Variants in PCTP observed in about 807,000 individuals in gnomAD.
PCTP encodes the protein START domain-containing protein 2.
In PCTP, 27 loss-of-function variants were observed where a neutral mutation model predicts 31.0. That is an observed-to-expected ratio of 0.87 (90% CI 0.64 to 1.20). PCTP has a LOEUF of 1.20. Among genes scored for constraint, PCTP ranks in the 50% most tolerant of loss-of-function variants. The probability of loss-of-function intolerance (pLI) is 0.00; values close to 1 mark genes in which losing one functional copy is unlikely to be tolerated. For missense variants in PCTP, 287 were observed against 268.2 expected, an observed-to-expected ratio of 1.07 and a Z score of -0.49; for synonymous variants, 108 against 101.2, an observed-to-expected ratio of 1.07 and a Z score of -0.40.
chr17:55,836,364 C>T (rs1045616619), intron 5 of PCTP, among the ~76,000 whole-genome samples: 8 of 152,158 alleles, frequency 5.3e-5, no homozygotes, highest in African/African-American at 1.9e-4. Flanking sequence ...GTGGTTTAGT[C>T]CACCATTATG....
chr17:55,825,007 G>C (rs915116534), downstream of PCTP, among the ~76,000 whole-genome samples: 1 of 152,222 alleles, frequency 6.6e-6, no homozygotes, highest in Non-Finnish European at 1.5e-5. Flanking sequence ...AAATAAACTT[G>C]TTTGGGGAAC....
At chr17:55,770,221 C>T (rs554778266) in intron 2 of PCTP, 10 of 152,262 alleles carry the variant, frequency 6.6e-5, no homozygotes, top group African/African-American at 2.4e-4. Context: ...AATTTGGTCA[C>T]CCTAGCTGTG....
intron 3 of PCTP, among the ~76,000 whole-genome samples, chr17:55,816,736 C>G (rs546769792): frequency 6.6e-6 from 1 of 152,328 alleles, no homozygotes; most frequent in South Asian, 2.1e-4. Flanking sequence ...CTGGAGTTCT[C>G]TTATAAGTTG....
intron 3 of PCTP, among the ~76,000 whole-genome samples, chr17:55,788,685 T>C (rs57786749): frequency 0.16 from 24,475 of 152,168 alleles, 4,709 homozygotes; most frequent in African/African-American, 0.46. Context: ...AAAATGTTCA[T>C]TACTGAATTA....
At chr17:55,838,882 A>G (rs960796249) in intron 5 of PCTP, among the ~76,000 whole-genome samples, 1 of 152,150 alleles carries the variant, frequency 6.6e-6, no homozygotes, top group Admixed American at 6.5e-5. Flanking sequence ...ATCTGTTTCT[A>G]TGGGCTGTGC....
At chr17:55,752,905 T>G (rs1909788610) in intron 1 of PCTP, among the ~76,000 whole-genome samples, 1 of 152,182 alleles carries the variant, frequency 6.6e-6, no homozygotes, top group Admixed American at 6.5e-5. Context: ...GAAAAAGTCT[T>G]TCTTTTAATT....
Position 55,773,876 on chromosome 17 carries a change from C to T in PCTP, c.492C>T (p.Asp164=), listed in dbSNP as rs34608946. Residue 164 remains aspartate (D), a synonymous_variant, in exon 4 of 6, where the codon GAC becomes GAT. Coordinates refer to ENST00000268896, the MANE Select transcript of PCTP (RefSeq NM_021213.4). ...AGCAGAGCCTGGCGATCGAGAGTGA[C>T]GGCAAGAAGGGGAGCAAAGGTAAAA... ...QYKQSLAIES[D]GKKGSKVFMY... 21,724 of 1,607,452 alleles carry T rather than the reference C, an allele frequency of 0.014. 191 individuals are homozygous for T. The highest frequency in any genetic ancestry group is 0.015 in the Non-Finnish European group (17,845 of 1,176,152).
At chr17:55,839,691 C>A (rs1905896702) in intron 5 of PCTP, among the ~76,000 whole-genome samples, 1 of 151,610 alleles carries the variant, frequency 6.6e-6, no homozygotes, top group South Asian at 2.1e-4. Context: ...GAGGCCGAGG[C>A]GGGCGGATCA....
At chr17:55,801,112 T>C (rs9902877) in intron 3 of PCTP, among the ~76,000 whole-genome samples, 57,077 of 151,954 alleles carry the variant, frequency 0.38, 16,607 homozygotes, top group African/African-American at 0.82. Context: ...ATCAGGGACC[T>C]ACTTGATGCA....
intron 5 of PCTP, 134 bp from the exon 6 acceptor site, chr17:55,775,901 G>A: frequency 7.0e-7 from 1 of 1,437,420 alleles, no homozygotes; most frequent in Non-Finnish European, 9.1e-7. Context: ...ACAACATTCT[G>A]TTGAAATCCA....
rs191541365 is a variant in PCTP, at chr17:55,767,822, G to A, written c.259+370G>A. ...AGTAGATCTATTCTGACCAGATGCA[G>A]TGACTCACGCCTGTAATCCCAGCAC... is the stretch of plus-strand genomic sequence containing the variant. On this transcript the variant is annotated intron_variant, in intron 2 of 5. Transcript: ENST00000268896. Among the ~76,000 whole-genome samples the A allele has an allele frequency of 4.3e-3, 585 of 137,642 alleles. 6 individuals are homozygous for A. Among genetic ancestry groups the A allele is most frequent in the African/African-American group, 0.015 (551 of 36,690 alleles). The allele number at this position is 137,642 out of a possible 152,430, so 90.3% of individuals were successfully genotyped here. A position where few individuals can be genotyped will look rare whatever the true frequency, so the allele number is the denominator to read the frequency against.
At chr17:55,756,696 G>A (rs775673889) in intron 1 of PCTP, among the ~76,000 whole-genome samples, 4 of 144,970 alleles carry the variant, frequency 2.8e-5, no homozygotes, top group African/African-American at 5.0e-5. Flanking sequence ...TTATACACGT[G>A]TGTGTGTGTG....
intron 3 of PCTP, among the ~76,000 whole-genome samples, chr17:55,814,467 G>T (rs540166324): frequency 6.4e-4 from 98 of 152,350 alleles, no homozygotes; most frequent in African/African-American, 2.1e-3. Context: ...CTGGGGCCAG[G>T]CACCTCTGGC....
chr17:55,781,658 C>T (rs143919441), downstream of PCTP, among the ~76,000 whole-genome samples: 1 of 152,306 alleles, frequency 6.6e-6, no homozygotes, highest in African/African-American at 2.4e-5. Flanking sequence ...GGCAGTGGTG[C>T]CATAAGATTA....
downstream of PCTP, among the ~76,000 whole-genome samples, chr17:55,779,553 A>G (rs958118651): frequency 2.0e-5 from 3 of 152,216 alleles, no homozygotes; most frequent in Non-Finnish European, 4.4e-5. Flanking sequence ...GGAGAAGTAG[A>G]CAAGCCATGT....
intron 2 of PCTP, among the ~76,000 whole-genome samples, chr17:55,783,439 G>C (rs1053875732): frequency 6.6e-6 from 1 of 152,146 alleles, no homozygotes; most frequent in African/African-American, 2.4e-5. Flanking sequence ...ACAGCACGCC[G>C]AATTCATTTT....
intron 5 of PCTP, chr17:55,775,725 C>G: frequency 3.2e-6 from 4 of 1,236,272 alleles, no homozygotes; most frequent in Non-Finnish European, 4.0e-6. Flanking sequence ...ATGTAACAAT[C>G]CAGCCCAAGC....
chr17:55,799,093 A>T (rs920300387), intron 3 of PCTP, among the ~76,000 whole-genome samples: 10 of 151,958 alleles, frequency 6.6e-5, no homozygotes, highest in African/African-American at 2.4e-4. Flanking sequence ...AATAATAAAG[A>T]ATGCTGGACT....
rs1192135567 is a variant in PCTP, at chr17:55,776,102, A to G, written c.*2A>G. On this transcript the variant is annotated 3_prime_UTR_variant, in exon 6 of 6. Coordinates refer to ENST00000268896, the MANE Select transcript of PCTP (RefSeq NM_021213.4). ...CAGAACTACCTCAAGAAAACCTAAGAAAGAGAACTGGGAACATTGCATCCA... is the reference window on the plus strand; with the variant it reads ...CAGAACTACCTCAAGAAAACCTAAGGAAGAGAACTGGGAACATTGCATCCA... 2 of 1,614,012 alleles carry G rather than the reference A, an allele frequency of 1.2e-6. No homozygotes were observed. The highest frequency in any genetic ancestry group is 3.3e-5 in the Admixed American group (2 of 60,006).
Sources: allele counts gnomAD v4.1 joint callset (sites outside exome capture counted in the v4.1 genomes callset), GRCh38; gene constraint gnomAD v4.1.1; transcripts MANE v1.5; gene names NCBI Gene and HGNC (gene_info 2026-07-23, HGNC 2026-07-21).